NAV2: variants seen among roughly 807,000 people sequenced by gnomAD.
NAV2 encodes helicase, APC down-regulated 1.
In NAV2, 54 loss-of-function variants were observed where a neutral mutation model predicts 223.2. That is an observed-to-expected ratio of 0.24 (90% CI 0.19 to 0.30). NAV2 has a LOEUF of 0.30. Ranked by LOEUF, NAV2 falls within the 10% of genes least tolerant of loss-of-function variation. The pLI, the probability that NAV2 is intolerant of heterozygous loss-of-function variation, is 1.00. For missense variants in NAV2, 2,806 were observed against 3,147.5 expected, an observed-to-expected ratio of 0.89 and a Z score of 2.60; for synonymous variants, 1,279 against 1,239.3, an observed-to-expected ratio of 1.03 and a Z score of -0.67.
At chr11:19,871,759 A>G (rs1268898219) in intron 4 of NAV2, among the ~76,000 whole-genome samples, 1 of 152,012 alleles carries the variant, frequency 6.6e-6, no homozygotes, top group East Asian at 1.9e-4. Flanking sequence ...TTCCTCATTC[A>G]GGTGGCCAAG....
intron 1 of NAV2, among the ~76,000 whole-genome samples, chr11:19,793,568 C>A (rs541677144): frequency 1.3e-5 from 2 of 152,328 alleles, no homozygotes; most frequent in Admixed American, 1.3e-4. Context: ...GCCTCTTGCA[C>A]CTGGACTGTT....
chr11:19,606,037 T>C (rs2046469308), intron 1 of NAV2, among the ~76,000 whole-genome samples: 1 of 152,212 alleles, frequency 6.6e-6, no homozygotes, highest in Admixed American at 6.5e-5. Flanking sequence ...AAGACTGGTT[T>C]TGAACTATAT....
intron 8 of NAV2, among the ~76,000 whole-genome samples, chr11:19,940,314 A>T (rs2046305321): frequency 6.6e-6 from 1 of 152,242 alleles, no homozygotes; most frequent in Admixed American, 6.5e-5. Flanking sequence ...CAGGTACATT[A>T]TACTGTATGA....
chr11:20,017,859 C>T (rs1044304797), intron 11 of NAV2, among the ~76,000 whole-genome samples: 2 of 152,300 alleles, frequency 1.3e-5, no homozygotes, highest in South Asian at 4.1e-4. Context: ...TGATGTGTGT[C>T]ACATCTTTTA....
chr11:20,098,051 A>G (rs1045591754), intron 31 of NAV2, among the ~76,000 whole-genome samples: 9 of 152,112 alleles, frequency 5.9e-5, no homozygotes, highest in Admixed American at 2.6e-4. Context: ...CTGATGAATT[A>G]CTCTTGCCAG....
intron 5 of NAV2, among the ~76,000 whole-genome samples, chr11:19,881,961 T>TATGTGG (rs1386771392): frequency 1.3e-5 from 2 of 152,132 alleles, no homozygotes; most frequent in Non-Finnish European, 2.9e-5. Context: ...TGCTACCATT[T>TATGTGG]ATGTGGATGA....
rs2057711186 is a variant in NAV2 at position 20,048,809 on chromosome 11, T to G, written c.3984T>G (p.Pro1328=). 2 of 1,614,064 alleles carry G rather than the reference T, an allele frequency of 1.2e-6. No individual in the cohort carries two copies. Among genetic ancestry groups the G allele is most frequent in the African/African-American group, 1.3e-5 (1 of 75,000 alleles). ...NMKNSVVISN[P]HATMTQQGNL... ...AAAATTCGGTGGTCATCTCCAATCC[T>G]CATGCCACCATGACTCAGCAAGGTA... The change falls in exon 15 of 38, where the codon CCT becomes CCG. Residue 1328 remains proline, a synonymous_variant. Coordinates refer to ENST00000349880, the MANE Select transcript of NAV2 (RefSeq NM_145117.5).
chr11:19,657,542 C>T (rs1202972058), intron 1 of NAV2, among the ~76,000 whole-genome samples: 1 of 152,148 alleles, frequency 6.6e-6, no homozygotes, highest in Non-Finnish European at 1.5e-5. Flanking sequence ...GCCCATTTCC[C>T]ACCATGCTGG....
At chr11:19,602,668 C>T (rs928689285) in intron 1 of NAV2, among the ~76,000 whole-genome samples, 3 of 152,238 alleles carry the variant, frequency 2.0e-5, no homozygotes, top group South Asian at 2.1e-4. Flanking sequence ...TTCCTTGCCT[C>T]TTCCAGCTCT....
In NAV2 at chr11:19,932,370, CTT is replaced by C. The variant is rs899525987; in HGVS notation, c.932-802_932-801del. ...TTTTTTTCTGAGACAGAGTCTCACT[CTT>C]TTTCCCAGGCTGGAGTACAATGGCA... On this transcript the variant is annotated intron_variant, in intron 6 of 37. Coordinates refer to ENST00000349880, the MANE Select transcript of NAV2 (RefSeq NM_145117.5). 8.3e-4 allele frequency among the ~76,000 whole-genome samples: 125 copies of C among 151,288 alleles called. 1 individual carries two copies. Among genetic ancestry groups the C allele is most frequent in the African/African-American group, 3.0e-3 (123 of 41,274 alleles).
At chr11:19,625,717 T>G (rs1376537722) in intron 1 of NAV2, among the ~76,000 whole-genome samples, 1 of 152,182 alleles carries the variant, frequency 6.6e-6, no homozygotes, top group Non-Finnish European at 1.5e-5. Context: ...TTTGTTCTTC[T>G]TTTTCTTTTT....
At chr11:20,003,900 T>C (rs1204386629) in intron 11 of NAV2, among the ~76,000 whole-genome samples, 1 of 152,228 alleles carries the variant, frequency 6.6e-6, no homozygotes, top group Non-Finnish European at 1.5e-5. Context: ...ATTTGGATGT[T>C]CTAGCTTCTG....
At chr11:19,632,061 G>T (rs2047361249) in intron 1 of NAV2, among the ~76,000 whole-genome samples, 1 of 152,242 alleles carries the variant, frequency 6.6e-6, no homozygotes, top group South Asian at 2.1e-4. Flanking sequence ...TTGGCAGGCA[G>T]GGTGGGGGTG....
intron 1 of NAV2, among the ~76,000 whole-genome samples, chr11:19,447,839 T>C (rs916900481): frequency 7.9e-5 from 12 of 152,144 alleles, no homozygotes; most frequent in Non-Finnish European, 1.5e-4. Flanking sequence ...AGCAGGTCCT[T>C]CTGCTGGATT....
intron 1 of NAV2, among the ~76,000 whole-genome samples, chr11:19,534,105 T>C (rs1453397151): frequency 6.6e-6 from 1 of 152,208 alleles, no homozygotes; most frequent in Non-Finnish European, 1.5e-5. Flanking sequence ...TTCATTTGGG[T>C]CTCCATTTTT....
intron 1 of NAV2, among the ~76,000 whole-genome samples, chr11:19,549,889 C>A (rs898758038): frequency 5.9e-5 from 9 of 152,212 alleles, no homozygotes; most frequent in Non-Finnish European, 1.2e-4. Flanking sequence ...AGCCACTTCC[C>A]ATGCCCTGCC....
At chr11:20,063,361 T>C (rs749544942) in intron 20 of NAV2, among the ~76,000 whole-genome samples, 70 of 143,266 alleles carry the variant, frequency 4.9e-4, no homozygotes, top group Non-Finnish European at 8.6e-4. Context: ...TTACTTTTTA[T>C]AGCTGTACAC....
At chr11:19,916,114 A>G (rs1158157540) in intron 6 of NAV2, among the ~76,000 whole-genome samples, 5 of 152,242 alleles carry the variant, frequency 3.3e-5, no homozygotes, top group African/African-American at 9.6e-5. Flanking sequence ...TACACAGTAT[A>G]TACTTAATAA....
At chr11:19,620,912 C>G (rs994150983) in intron 1 of NAV2, among the ~76,000 whole-genome samples, 25 of 152,112 alleles carry the variant, frequency 1.6e-4, no homozygotes, top group Admixed American at 5.2e-4. Context: ...ATAAATAGCT[C>G]TTATTATTTT....
Sources: gnomAD v4.1 joint callset for allele counts (sites outside exome capture counted in the v4.1 genomes callset) on GRCh38, gnomAD v4.1.1 for gene constraint, MANE v1.5 for transcripts, NCBI Gene and HGNC (gene_info 2026-07-23, HGNC 2026-07-21) for gene names.